Variants in CDADC1 observed in about 807,000 individuals in gnomAD.
The protein encoded by CDADC1 is cytidine and dCMP deaminase domain containing 1, also known as dCTP deaminase.
Under a neutral mutation model 54.9 loss-of-function variants are expected in CDADC1, and 39 were observed. The ratio of observed to expected loss-of-function variants is 0.71; its 90% CI spans 0.55 to 0.93. The LOEUF (loss-of-function observed/expected upper bound fraction) is 0.93, where lower values mean the gene tolerates loss of function less well. CDADC1 is among the 40% of genes least tolerant of loss of function. CDADC1 has a pLI of 0.00. For missense variants in CDADC1, 518 were observed against 618.8 expected (o/e 0.84, Z 1.73); for synonymous variants, 186 against 204.0 (o/e 0.91, Z 0.75).
rs578089850 is a variant in CDADC1 at position 49,263,286 on chromosome 13, C to T, written c.430+3763C>T. ...GTGAAAATTAGAATTTTGGAAAACT[C>T]ATATTCTCTATTATGAGCCTGACAG... On this transcript the variant is annotated intron_variant, in intron 4 of 9. Transcript: ENST00000251108. Among the ~76,000 whole-genome samples, 9 of 152,282 alleles carry T rather than the reference C, an allele frequency of 5.9e-5. No individual in the cohort carries two copies. In the South Asian group the frequency reaches 1.9e-3, roughly 32 times the overall value.
Position 49,248,954 on chromosome 13 carries a change from C to CA in CDADC1, c.171dup (p.Ser58IlefsTer5). 3 of 1,602,066 alleles carry CA rather than the reference C, an allele frequency of 1.9e-6. No individual in the cohort carries two copies. Among genetic ancestry groups the CA allele is most frequent in the African/African-American group, 1.3e-5 (1 of 74,744 alleles). ...GCTCTTTCCAGCAGAAGCCCAGCGG[C>CA]AAAAATCTCAGGTATAATTTGTTTC... On this transcript the variant is annotated frameshift_variant, in exon 2 of 10. Coordinates refer to ENST00000251108, the MANE Select transcript of CDADC1 (RefSeq NM_030911.4). LOFTEE classifies it high-confidence loss of function.
chr13:49,247,949 T>C lies in CDADC1; in HGVS notation c.-89T>C. The stretch of plus-strand genomic sequence containing the variant: ...TAGTGGGCCGTTGCCTTACAGTTGC[T>C]GAGAGGAGGCGAGAGGCGGGGGCGC... On this transcript the variant is annotated 5_prime_UTR_variant, in exon 1 of 10. Coordinates refer to ENST00000251108, the MANE Select transcript of CDADC1 (RefSeq NM_030911.4). The C allele has an allele frequency of 4.1e-6, 5 of 1,217,142 alleles. No homozygotes were observed. The highest frequency in any genetic ancestry group is 2.0e-5 in the Admixed American group (1 of 50,344). 75.4% of individuals were successfully genotyped at this position (1,217,142 alleles called of 1,614,324 possible). A position where few individuals can be genotyped will look rare whatever the true frequency, so the allele number is the denominator to read the frequency against.
At chr13:49,279,016 A>G (rs1194702697) in intron 7 of CDADC1, among the ~76,000 whole-genome samples, 1 of 152,200 alleles carries the variant, frequency 6.6e-6, no homozygotes, top group Non-Finnish European at 1.5e-5. Flanking sequence ...CAGATACGCA[A>G]ATACTTACCA....
Position 49,248,016 on chromosome 13 carries a change from A to C in CDADC1, c.-22A>C, listed in dbSNP as rs1047171729. On this transcript the variant is annotated 5_prime_UTR_variant, in exon 1 of 10. Transcript: ENST00000251108. ...TCTGACTGGGAGAGGTTTCCTTGGC[A>C]GCAGAGGACGCTAGGTTTGGGATGA... The C allele has an allele frequency of 1.9e-6, 3 of 1,550,344 alleles. No individual in the cohort carries two copies. Among genetic ancestry groups the C allele is most frequent in the Non-Finnish European group, 2.6e-6 (3 of 1,145,830 alleles).
chr13:49,261,936 A>G (rs771429039), intron 4 of CDADC1, among the ~76,000 whole-genome samples: 5 of 152,230 alleles, frequency 3.3e-5, no homozygotes, highest in Admixed American at 1.3e-4. Context: ...TGGACAATAT[A>G]TAAACAAAAT....
rs1953396158 is a variant in CDADC1 at position 49,283,022 on chromosome 13, AT to A, written c.1410+2326del. On this transcript the variant is annotated intron_variant, in intron 8 of 9. Transcript: ENST00000251108. ...TGACATCCAATGATTTAATCCTGGC[AT>A]TGAATGAGTTAATGTAACATTTAAC... Among the ~76,000 whole-genome samples the A allele has an allele frequency of 2.0e-5, 3 of 152,358 alleles. No homozygotes were observed. In the South Asian group the frequency reaches 6.2e-4, roughly 32 times the overall value.
chr13:49,261,347 G>T (rs769754487), intron 4 of CDADC1, among the ~76,000 whole-genome samples: 3 of 152,196 alleles, frequency 2.0e-5, no homozygotes, highest in Non-Finnish European at 4.4e-5. Context: ...ATTCTCAACT[G>T]CAGTTACCAA....
In CDADC1 at chr13:49,259,392, G is replaced by T; in HGVS notation, c.299G>T (p.Gly100Val). ...GTGGTGAAAAACATGAAAATTGTTG[G>T]TCTCCACTGTTCTAGTGAAGATTTA... ...LVVVKNMKIVGLHCSSEDLHA... is the reference protein window; with the variant it reads ...LVVVKNMKIVVLHCSSEDLHA... Residue 100 changes from glycine to valine, a missense_variant, in exon 4 of 10, where the codon GGT (glycine) becomes GTT (valine). By Grantham distance (109) the Gly-to-Val change is moderately radical. Coordinates refer to ENST00000251108, the MANE Select transcript of CDADC1 (RefSeq NM_030911.4). 1.9e-6 allele frequency: 3 copies of T among 1,613,504 alleles called. No homozygotes were observed. The highest frequency in any genetic ancestry group is 2.5e-6 in the Non-Finnish European group (3 of 1,179,604).
chr13:49,285,247 C>G lies in CDADC1; in HGVS notation c.1411-975C>G, dbSNP rs531266028. Among the ~76,000 whole-genome samples, 3 of 148,012 alleles carry G rather than the reference C, an allele frequency of 2.0e-5. No homozygotes were observed. The South Asian group carries it at 6.4e-4, about 32-fold the overall frequency. ...AGGCTGGAGTGCAGTGGTGCAATCT[C>G]GGCTCACTGCAAGCTCCACCTCCCG... On this transcript the variant is annotated intron_variant, in intron 8 of 9. Transcript: ENST00000251108.
intron 6 of CDADC1, among the ~76,000 whole-genome samples, chr13:49,278,138 AT>A (rs1269476958): frequency 1.3e-5 from 2 of 152,238 alleles, no homozygotes; most frequent in Non-Finnish European, 2.9e-5. Flanking sequence ...GAGATTATAG[AT>A]TAGAGAGGTG....
chr13:49,248,117 C>T lies in CDADC1; in HGVS notation c.80C>T (p.Thr27Ile). The change falls in exon 1 of 10, where the codon ACC (threonine) becomes ATC (isoleucine). Residue 27 changes from threonine to isoleucine, a missense_variant and splice_region_variant. By Grantham distance (89) the Thr-to-Ile change is moderately conservative. Coordinates refer to ENST00000251108, the MANE Select transcript of CDADC1 (RefSeq NM_030911.4). Reference sequence around the variant, plus strand: ...GTCAGCACCCAGACTGGCAGCATGACCGGTGAGTGTCCGGGACCCTGCTCC... The same window carrying T: ...GTCAGCACCCAGACTGGCAGCATGATCGGTGAGTGTCCGGGACCCTGCTCC... ...RSVSTQTGSM[T>I]GQIPRLSKVN... The T allele has an allele frequency of 1.3e-6, 2 of 1,551,214 alleles. No homozygotes were observed. The highest frequency in any genetic ancestry group is 2.4e-5 in the South Asian group (2 of 84,056).
intron 2 of CDADC1, among the ~76,000 whole-genome samples, chr13:49,252,619 C>T (rs964703026): frequency 2.0e-5 from 3 of 152,138 alleles, no homozygotes; most frequent in Non-Finnish European, 4.4e-5. Flanking sequence ...TATTGTACTC[C>T]ACTTTTATAG....
At chr13:49,261,780 C>T (rs1198420647) in intron 4 of CDADC1, among the ~76,000 whole-genome samples, 2 of 152,164 alleles carry the variant, frequency 1.3e-5, no homozygotes, top group East Asian at 3.9e-4. Context: ...TTAATAGCCT[C>T]GGAGCCACAA....
At position 49,247,927 on chromosome 13, in the gene CDADC1, T is replaced by G; in HGVS notation, c.-111T>G. ...TGAGGCGTCATCTGGCTGCGCCTAG[T>G]GGGCCGTTGCCTTACAGTTGCTGAG... is the stretch of plus-strand genomic sequence containing the variant. On this transcript the variant is annotated 5_prime_UTR_variant, in exon 1 of 10. Transcript: ENST00000251108. 2 of 913,406 alleles carry G rather than the reference T, an allele frequency of 2.2e-6. No individual in the cohort carries two copies. Among genetic ancestry groups the G allele is most frequent in the Admixed American group, 2.1e-5 (1 of 48,758 alleles). The allele number at this position is 913,406 out of a possible 1,614,324, so 56.6% of individuals were successfully genotyped here. A position where few individuals can be genotyped will look rare whatever the true frequency, so the allele number is the denominator to read the frequency against.
chr13:49,253,765 G>T (rs74892291), intron 2 of CDADC1, among the ~76,000 whole-genome samples: 3 of 151,962 alleles, frequency 2.0e-5, no homozygotes, highest in Non-Finnish European at 4.4e-5. Flanking sequence ...CAGACTGGTC[G>T]CTAACTCCTG....
chr13:49,286,077 G>A (rs1953505921), intron 8 of CDADC1, 145 bp from the exon 9 acceptor site: 1 of 599,666 alleles, frequency 1.7e-6, no homozygotes. Context: ...GCCTCCCAAA[G>A]TGCTGGGATT....
chr13:49,265,879 G>A, intron 4 of CDADC1: 1 of 1,301,990 alleles, frequency 7.7e-7, no homozygotes, highest in South Asian at 1.2e-5. Context: ...CTTGAATCAG[G>A]ATTACTGGAA....
chr13:49,248,223 C>T (rs922629507), intron 1 of CDADC1, 104 bp downstream of exon 1: 133 of 1,058,152 alleles, frequency 1.3e-4, no homozygotes, highest in Non-Finnish European at 1.7e-4. Context: ...TTTGCCTCCC[C>T]TGCTGCTTTT....
intron 9 of CDADC1, among the ~76,000 whole-genome samples, chr13:49,291,458 C>T (rs1953703315): frequency 6.6e-6 from 1 of 152,134 alleles, no homozygotes; most frequent in Non-Finnish European, 1.5e-5. Context: ...AGACGTGAGC[C>T]ATTGCACCCG....
Sources: allele counts gnomAD v4.1 joint callset (sites outside exome capture counted in the v4.1 genomes callset), GRCh38; gene constraint gnomAD v4.1.1; transcripts MANE v1.5; gene names NCBI Gene and HGNC (gene_info 2026-07-23, HGNC 2026-07-21).